The following SLC35D4 variants were observed in gnomAD, a reference collection of about 807,000 sequenced individuals.
SLC35D4 encodes the protein UDP-N-acetylglucosamine transporter SLC35D4.
chr18:23,385,853 C>T, the SLC35D4 span, among the ~76,000 whole-genome samples: 2 of 151,950 alleles, frequency 1.3e-5, no homozygotes, highest in African/African-American at 2.4e-5. Context: ...CCCCTAAGGC[C>T]GGGCGTGGTG....
At chr18:23,297,985 G>A in the SLC35D4 span, 8 of 1,612,484 alleles carry the variant, frequency 5.0e-6, no homozygotes, top group Non-Finnish European at 6.8e-6. Context: ...CAGCCTGTGA[G>A]TCTTTCTCTT....
chr18:23,246,494 C>T, the SLC35D4 span, among the ~76,000 whole-genome samples: 1 of 152,002 alleles, frequency 6.6e-6, no homozygotes, highest in East Asian at 1.9e-4. Flanking sequence ...CGGGTTCACG[C>T]CATTCTCCTG....
At chr18:23,382,874 G>T in the SLC35D4 span, among the ~76,000 whole-genome samples, 1 of 152,200 alleles carries the variant, frequency 6.6e-6, no homozygotes, top group African/African-American at 2.4e-5. Context: ...TCAGGGGATC[G>T]AGCTCTTTTT....
chr18:23,318,817 C>T, the SLC35D4 span, among the ~76,000 whole-genome samples: 12 of 152,042 alleles, frequency 7.9e-5, no homozygotes, highest in Non-Finnish European at 1.3e-4. Context: ...AGTCTAGAAA[C>T]CTTATTTAGT....
chr18:23,259,471 G>A, the SLC35D4 span: 1 of 152,212 alleles, frequency 6.6e-6, no homozygotes, highest in Non-Finnish European at 1.5e-5. Flanking sequence ...TTTATGAGGT[G>A]AGCCCATGAA....
At chr18:23,244,802 G>A in the SLC35D4 span, among the ~76,000 whole-genome samples, 1 of 152,198 alleles carries the variant, frequency 6.6e-6, no homozygotes, top group African/African-American at 2.4e-5. Flanking sequence ...CTTACAGCTA[G>A]CTCCTGGGGT....
the SLC35D4 span, among the ~76,000 whole-genome samples, chr18:23,304,033 T>C: frequency 7.1e-6 from 1 of 141,762 alleles, no homozygotes; most frequent in Non-Finnish European, 1.5e-5. Context: ...CTGGGCAACA[T>C]AGAGAGGCCC....
the SLC35D4 span, among the ~76,000 whole-genome samples, chr18:23,324,449 CT>C: frequency 1.3e-5 from 2 of 152,150 alleles, no homozygotes; most frequent in Non-Finnish European, 2.9e-5. Context: ...TCAAAAGACG[CT>C]TTCATTGAAT....
At chr18:23,336,711 C>T in the SLC35D4 span, among the ~76,000 whole-genome samples, 2 of 152,096 alleles carry the variant, frequency 1.3e-5, no homozygotes, top group Admixed American at 1.3e-4. Flanking sequence ...GAGGTGTCCT[C>T]AGCAGCTAAG....
chr18:23,391,434 T>C, the SLC35D4 span, among the ~76,000 whole-genome samples: 1 of 152,122 alleles, frequency 6.6e-6, no homozygotes, highest in Admixed American at 6.6e-5. Context: ...TATAAGGACA[T>C]TATTAAAGAC....
chr18:23,415,955 C>T, the SLC35D4 span, among the ~76,000 whole-genome samples: 2 of 152,126 alleles, frequency 1.3e-5, no homozygotes, highest in Non-Finnish European at 2.9e-5. Context: ...TGCCTGTAAT[C>T]CCAGCACTTT....
chr18:23,340,902 T>C, the SLC35D4 span, among the ~76,000 whole-genome samples: 10 of 152,166 alleles, frequency 6.6e-5, no homozygotes, highest in African/African-American at 2.4e-4. Context: ...TGCTGAGAAC[T>C]CAAGTCAGTC....
the SLC35D4 span, chr18:23,430,823 A>C: frequency 1.4e-6 from 1 of 733,282 alleles, no homozygotes; most frequent in Non-Finnish European, 2.2e-6. Context: ...CACCAAAATC[A>C]CAAACTGGGC....
At chr18:23,374,979 G>A in the SLC35D4 span, among the ~76,000 whole-genome samples, 1 of 151,976 alleles carries the variant, frequency 6.6e-6, no homozygotes, top group African/African-American at 2.4e-5. Flanking sequence ...GCCAGGCGTG[G>A]TGGCACATGC....
the SLC35D4 span, among the ~76,000 whole-genome samples, chr18:23,312,080 C>A: frequency 0.34 from 51,421 of 152,114 alleles, 9,569 homozygotes; most frequent in Non-Finnish European, 0.42. Flanking sequence ...ATTGTCCTTG[C>A]CTGTTTTTAC....
chr18:23,248,540 A>T, the SLC35D4 span, among the ~76,000 whole-genome samples: 6 of 58,688 alleles, frequency 1.0e-4, no homozygotes, highest in African/African-American at 2.8e-4. Flanking sequence ...TTTTTTTTTA[A>T]AAAAAGGCTG....
At chr18:23,363,407 C>T in the SLC35D4 span, among the ~76,000 whole-genome samples, 45 of 102,748 alleles carry the variant, frequency 4.4e-4, no homozygotes, top group African/African-American at 1.6e-3. Flanking sequence ...GATGGAGTCT[C>T]GCTCTTGCCC....
the SLC35D4 span, chr18:23,421,470 A>G: frequency 1.2e-6 from 2 of 1,611,322 alleles, no homozygotes; most frequent in Non-Finnish European, 1.7e-6. Context: ...GGCAATGTGA[A>G]TTTCATAGAG....
chr18:23,354,250 T>C, the SLC35D4 span, among the ~76,000 whole-genome samples: 1 of 147,078 alleles, frequency 6.8e-6, no homozygotes, highest in Non-Finnish European at 1.5e-5. Flanking sequence ...GCCTGTAATC[T>C]CAGCATTTTG....
Sources: gnomAD v4.1 joint callset for allele counts (sites outside exome capture counted in the v4.1 genomes callset) on GRCh38, gnomAD v4.1.1 for gene constraint, MANE v1.5 for transcripts, NCBI Gene and HGNC (gene_info 2026-07-23, HGNC 2026-07-21) for gene names.